The following RTL4 variants were observed in gnomAD, a reference collection of about 807,000 sequenced individuals.
RTL4 encodes retrotransposon Gag like 4.
In RTL4, 4 loss-of-function variants were observed where a neutral mutation model predicts 5.3. The ratio of observed to expected loss-of-function variants is 0.75; its 90% CI spans 0.37 to 1.72. The LOEUF is 1.72. Among genes scored for constraint, RTL4 ranks in the 40% most tolerant of loss-of-function variants. The pLI is 0.04. For synonymous variants in RTL4, 98 were observed against 87.3 expected, an observed-to-expected ratio of 1.12 and a Z score of -0.68; for missense variants, 260 against 227.1, an observed-to-expected ratio of 1.14 and a Z score of -0.93.
At chrX:112,114,149 G>T in the RTL4 span, among the ~76,000 whole-genome samples, 18,231 of 110,806 alleles carry the variant, frequency 0.16, 2,312 homozygotes, top group African/African-American at 0.43. Flanking sequence ...AGAAGGATTT[G>T]CTTCCTTTCC....
chrX:112,294,717 C>G, the RTL4 span, among the ~76,000 whole-genome samples: 2 of 112,394 alleles, frequency 1.8e-5, no homozygotes, highest in East Asian at 5.6e-4. Context: ...AACCCCAATA[C>G]TTTGAATCAG....
chrX:112,103,659 G>A, the RTL4 span, among the ~76,000 whole-genome samples: 2 of 110,968 alleles, frequency 1.8e-5, no homozygotes, highest in Non-Finnish European at 3.8e-5. Context: ...ATACTCAAGT[G>A]AATATAACAG....
At chrX:112,324,703 G>A in the RTL4 span, among the ~76,000 whole-genome samples, 4 of 110,293 alleles carry the variant, frequency 3.6e-5, no homozygotes, top group African/African-American at 6.6e-5. Flanking sequence ...TTCTCCTCTC[G>A]TGATCAGAAA....
chrX:112,185,016 A>G, the RTL4 span, among the ~76,000 whole-genome samples: 13 of 111,451 alleles, frequency 1.2e-4, no homozygotes, highest in Non-Finnish European at 3.8e-5. Flanking sequence ...CTCCTAGCAG[A>G]TTAGAAGGAG....
the RTL4 span, among the ~76,000 whole-genome samples, chrX:112,097,669 C>T: frequency 1.8e-5 from 2 of 111,007 alleles, no homozygotes; most frequent in Admixed American, 9.5e-5. Context: ...ATGTCTGTTT[C>T]CCCCCATTTC....
At chrX:112,163,888 A>G in the RTL4 span, among the ~76,000 whole-genome samples, 1 of 111,577 alleles carries the variant, frequency 9.0e-6, no homozygotes, top group Non-Finnish European at 1.9e-5. Flanking sequence ...TGAGGTTTTA[A>G]TCTGTTCTTT....
At chrX:112,258,304 G>A in the RTL4 span, among the ~76,000 whole-genome samples, 1 of 110,460 alleles carries the variant, frequency 9.1e-6, no homozygotes, top group Non-Finnish European at 1.9e-5. Context: ...TGATAATGAT[G>A]GGTCAATGTA....
At chrX:112,451,159 A>T (rs772255533), upstream of RTL4, among the ~76,000 whole-genome samples, 1 of 112,160 alleles carries the variant, frequency 8.9e-6, no homozygotes, top group African/African-American at 3.2e-5. Context: ...ACACAGTCAG[A>T]TAACAGCTTG....
the RTL4 span, among the ~76,000 whole-genome samples, chrX:112,103,549 C>T: frequency 9.2e-6 from 1 of 108,901 alleles, no homozygotes; most frequent in Non-Finnish European, 1.9e-5. Flanking sequence ...AACAAACCTG[C>T]ACATCCTACA....
chrX:112,158,369 T>G, the RTL4 span, among the ~76,000 whole-genome samples: 316 of 110,531 alleles, frequency 2.9e-3, 1 homozygote, highest in African/African-American at 9.9e-3. Context: ...TAAAAAGTAC[T>G]TGCAATACTA....
At chrX:112,417,974 C>T in the RTL4 span, among the ~76,000 whole-genome samples, 1 of 110,495 alleles carries the variant, frequency 9.1e-6, no homozygotes, top group African/African-American at 3.3e-5. Context: ...ATAGTTAAAC[C>T]CTGTCTCTAA....
the RTL4 span, among the ~76,000 whole-genome samples, chrX:112,434,918 T>C: frequency 5.4e-3 from 595 of 111,210 alleles, 6 homozygotes; most frequent in African/African-American, 0.019. Context: ...TCTGCATTGC[T>C]GGGAAGGCCT....
the RTL4 span, among the ~76,000 whole-genome samples, chrX:112,390,156 TA>T: frequency 1.7e-5 from 1 of 58,057 alleles, no homozygotes; most frequent in African/African-American, 6.6e-5. Flanking sequence ...TATATATATA[TA>T]TATTTAGGAT....
At chrX:112,375,304 G>A in the RTL4 span, among the ~76,000 whole-genome samples, 4 of 111,151 alleles carry the variant, frequency 3.6e-5, no homozygotes, top group African/African-American at 1.3e-4. Context: ...CTACAGGCAA[G>A]TTGTCTCAAG....
chrX:112,350,429 A>G, the RTL4 span, among the ~76,000 whole-genome samples: 2 of 109,513 alleles, frequency 1.8e-5, no homozygotes, highest in Non-Finnish European at 3.8e-5. Context: ...GAATAGTTTC[A>G]GAAGGAATGG....
the RTL4 span, among the ~76,000 whole-genome samples, chrX:112,277,778 AG>A: frequency 1.2e-4 from 13 of 112,050 alleles, no homozygotes; most frequent in Non-Finnish European, 2.4e-4. Context: ...GGTAAAACAG[AG>A]GGTATCTGGA....
At chrX:112,313,354 G>T in the RTL4 span, among the ~76,000 whole-genome samples, 1 of 111,276 alleles carries the variant, frequency 9.0e-6, no homozygotes, top group African/African-American at 3.3e-5. Flanking sequence ...GATAAGATGA[G>T]CTCTGAGTGG....
the RTL4 span, among the ~76,000 whole-genome samples, chrX:112,332,582 C>CA: frequency 5.8e-5 from 6 of 104,290 alleles, no homozygotes; most frequent in Non-Finnish European, 9.7e-5. Flanking sequence ...ATCGCAAGGA[C>CA]AAAAAACCAA....
At chrX:112,279,899 AATT>A in the RTL4 span, among the ~76,000 whole-genome samples, 1 of 112,016 alleles carries the variant, frequency 8.9e-6, no homozygotes, top group Non-Finnish European at 1.9e-5. Context: ...AAACTCCAGT[AATT>A]ATTAATTGCA....
Sources: gnomAD v4.1 joint callset for allele counts (sites outside exome capture counted in the v4.1 genomes callset) on GRCh38, gnomAD v4.1.1 for gene constraint, MANE v1.5 for transcripts, NCBI Gene and HGNC (gene_info 2026-07-23, HGNC 2026-07-21) for gene names.